The following CLIC6 variants were observed in gnomAD, a reference collection of about 807,000 sequenced individuals.
The protein encoded by CLIC6 is CLIC family member 6.
In CLIC6, 39 loss-of-function variants were observed where a neutral mutation model predicts 49.2. That is an observed-to-expected ratio of 0.79 (90% CI 0.61 to 1.04). The LOEUF is 1.04. CLIC6 is among the 50% of genes least tolerant of loss of function. The pLI is 0.00. For synonymous variants in CLIC6, 446 were observed against 433.4 expected (o/e 1.03, Z -0.36); for missense variants, 988 against 993.1 (o/e 0.99, Z 0.07).
intron 5 of CLIC6, among the ~76,000 whole-genome samples, chr21:34,709,895 T>C (rs1028418717): frequency 1.3e-5 from 2 of 152,190 alleles, no homozygotes; most frequent in Admixed American, 6.5e-5. Context: ...GCTATTCAAA[T>C]GTGAACGCAG....
In CLIC6 at chr21:34,688,951, T is replaced by C. The variant is rs528953980; in HGVS notation, c.1374+18189T>C. ...AAATTGTGAAATAGGTTTGGCGTGG[T>C]GGTGTGAGCCACTTGTCCAGCCAGG... is the stretch of plus-strand genomic sequence containing the variant. On this transcript the variant is annotated intron_variant, in intron 1 of 5. Transcript: ENST00000349499. Among the ~76,000 whole-genome samples the C allele has an allele frequency of 3.9e-5, 6 of 152,316 alleles. No individual in the cohort carries two copies. In the South Asian group the frequency reaches 6.2e-4, roughly 16 times the overall value.
At chr21:34,685,710 G>A (rs1989864154) in intron 1 of CLIC6, among the ~76,000 whole-genome samples, 1 of 152,156 alleles carries the variant, frequency 6.6e-6, no homozygotes, top group Non-Finnish European at 1.5e-5. Context: ...CATCAGACAT[G>A]GAGGGGGACA....
At chr21:34,706,019 G>T in intron 1 of CLIC6, 1 of 676,714 alleles carries the variant, frequency 1.5e-6, no homozygotes, top group Middle Eastern at 2.5e-4. Flanking sequence ...CTTTTCTTTT[G>T]TATTTAGGTA....
intron 1 of CLIC6, among the ~76,000 whole-genome samples, chr21:34,702,351 C>T (rs35169899): frequency 0.17 from 25,241 of 152,086 alleles, 2,167 homozygotes; most frequent in Non-Finnish European, 0.19. Context: ...ATCAGGCCTC[C>T]ATGCAGAGGC....
At chr21:34,713,046 C>G (rs2056066978) in intron 5 of CLIC6, among the ~76,000 whole-genome samples, 1 of 151,966 alleles carries the variant, frequency 6.6e-6, no homozygotes, top group African/African-American at 2.4e-5. Flanking sequence ...TGCTTTTAAG[C>G]AAATGATAGG....
At chr21:34,700,243 A>G (rs13048790) in intron 1 of CLIC6, among the ~76,000 whole-genome samples, 2 of 149,334 alleles carry the variant, frequency 1.3e-5, no homozygotes, top group Admixed American at 6.6e-5. Context: ...GTCAGGAGAT[A>G]GAGACCATCC....
At chr21:34,709,782 A>G (rs1364916922) in intron 5 of CLIC6, among the ~76,000 whole-genome samples, 1 of 152,196 alleles carries the variant, frequency 6.6e-6, no homozygotes, top group Non-Finnish European at 1.5e-5. Context: ...AGCCTTACTC[A>G]CACAGCCTAA....
intron 1 of CLIC6, among the ~76,000 whole-genome samples, chr21:34,685,345 TGTCCAAGAC>T (rs1462509341): frequency 2.6e-5 from 4 of 152,250 alleles, no homozygotes; most frequent in Admixed American, 6.5e-5. Flanking sequence ...CCATATGGCC[TGTCCAAGAC>T]GTCGGCACAT....
chr21:34,670,475 C>T lies in CLIC6; in HGVS notation c.1087C>T (p.Pro363Ser). 1 of 1,492,114 alleles carries T rather than the reference C, an allele frequency of 6.7e-7. No individual in the cohort carries two copies. Among genetic ancestry groups the T allele is most frequent in the South Asian group, 1.3e-5 (1 of 75,416 alleles). 92.4% of individuals were successfully genotyped at this position (1,492,114 alleles called of 1,614,324 possible). Residue 363 changes from proline to serine, a missense_variant, in exon 1 of 6, where the codon CCA (proline) becomes TCA (serine). Physicochemically the swap from Pro to Ser is moderately conservative, Grantham distance 74. Around this residue, in one of 3 missense-constraint regions of CLIC6, gnomAD observed 647 missense variants for 596.9 expected, o/e 1.08. Coordinates refer to ENST00000349499, the MANE Select transcript of CLIC6 (RefSeq NM_053277.3). ...DAGEDRVGDG[P>S]QQEPGEDEER... ...TGGCGAGGACAGGGTAGGGGATGGG[C>T]CACAGCAGGAGCCGGGGGAGGACGA...
rs896859339 is a variant in CLIC6 at position 34,670,654 on chromosome 21, C to A, written c.1266C>A (p.Pro422=). ...QLSNHLAEEG[P]AEGSGEAARV... ...GCAACCACCTGGCCGAGGAGGGCCCCGCCGAGGGTAGCGGCGAGGCCGCGC... is the reference window on the plus strand; with the variant it reads ...GCAACCACCTGGCCGAGGAGGGCCCAGCCGAGGGTAGCGGCGAGGCCGCGC... The change falls in exon 1 of 6, where the codon CCC becomes CCA. Residue 422 remains proline, a synonymous_variant. Transcript: ENST00000349499. 6 of 1,563,230 alleles carry A rather than the reference C, an allele frequency of 3.8e-6. No individual in the cohort carries two copies. Among genetic ancestry groups the A allele is most frequent in the Middle Eastern group, 1.7e-4 (1 of 5,882 alleles).
rs777646304 is a variant in CLIC6 at position 34,670,398 on chromosome 21, C to T, written c.1010C>T (p.Pro337Leu). 5.5e-6 allele frequency: 8 copies of T among 1,456,980 alleles called. No homozygotes were observed. Among genetic ancestry groups the T allele is most frequent in the Non-Finnish European group, 7.2e-6 (8 of 1,105,752 alleles). 90.3% of individuals were successfully genotyped at this position (1,456,980 alleles called of 1,614,324 possible). Reference sequence around the variant, plus strand: ...GACGCAGCGGAGGAGGCGGAGGTCCCGGGGGTAAAGGGGTCCGAAGAAGCG... The same window carrying T: ...GACGCAGCGGAGGAGGCGGAGGTCCTGGGGGTAAAGGGGTCCGAAGAAGCG... ...AWDAAEEAEV[P>L]GVKGSEEAAP... The change falls in exon 1 of 6, where the codon CCG becomes CTG. Residue 337 changes from proline to leucine, a missense_variant. By Grantham distance (98) the Pro-to-Leu change is moderately conservative (BLOSUM62 -3). Coordinates refer to ENST00000349499, the MANE Select transcript of CLIC6 (RefSeq NM_053277.3).
intron 1 of CLIC6, among the ~76,000 whole-genome samples, chr21:34,679,644 G>A (rs902970900): frequency 1.3e-5 from 2 of 152,236 alleles, no homozygotes; most frequent in African/African-American, 4.8e-5. Flanking sequence ...TCCCAGATAC[G>A]ATGGGGGTAC....
chr21:34,703,048 G>GATC (rs10636059), intron 1 of CLIC6, among the ~76,000 whole-genome samples: 62,212 of 151,482 alleles, frequency 0.41, 14,405 homozygotes, highest in African/African-American at 0.64. Flanking sequence ...TCCTGCGATG[G>GATC]CAAATCAGCT....
intron 1 of CLIC6, among the ~76,000 whole-genome samples, chr21:34,696,599 G>A (rs1393359913): frequency 6.6e-6 from 1 of 152,220 alleles, no homozygotes; most frequent in East Asian, 1.9e-4. Context: ...AATGGAGACA[G>A]TAGTAGTACC....
At chr21:34,680,201 C>A (rs543116916) in intron 1 of CLIC6, among the ~76,000 whole-genome samples, 1 of 152,384 alleles carries the variant, frequency 6.6e-6, no homozygotes, top group African/African-American at 2.4e-5. Flanking sequence ...TGTGCACCAG[C>A]AGGCCCAACA....
chr21:34,685,488 C>T (rs751328045), intron 1 of CLIC6, among the ~76,000 whole-genome samples: 1 of 152,126 alleles, frequency 6.6e-6, no homozygotes, highest in Non-Finnish European at 1.5e-5. Context: ...GGTGTGAGAG[C>T]CTTGGAGGTG....
Position 34,708,039 on chromosome 21 carries a change from A to C in CLIC6, c.1580A>C (p.Glu527Ala). Residue 527 changes from glutamate (E) to alanine (A), a missense_variant, in exon 3 of 6, where the codon GAG becomes GCG. Glu to Ala is a moderately radical substitution (Grantham distance 107, BLOSUM62 -1). Around this residue, in one of 3 missense-constraint regions of CLIC6, gnomAD observed 647 missense variants for 596.9 expected, o/e 1.08. Coordinates refer to ENST00000349499, the MANE Select transcript of CLIC6 (RefSeq NM_053277.3). The part of the protein sequence containing the change: ...EVKTDVNKIE[E>A]FLEEKLAPPR... ...AAGACGGATGTGAATAAGATCGAGG[A>C]GTTCTTAGAGGAGAAATTAGCTCCC... The C allele has an allele frequency of 6.2e-7, 1 of 1,614,096 alleles. No homozygotes were observed. Among genetic ancestry groups the C allele is most frequent in the East Asian group, 2.2e-5 (1 of 44,888 alleles).
In CLIC6 at chr21:34,713,701, A is replaced by C. The variant is rs144341577; in HGVS notation, c.1900-2620A>C. ...AAAAAAAATAAAAGAAAACGAGAGAATGTTCAATGGGGAAATTACTTTGAA... is the reference window on the plus strand; with the variant it reads ...AAAAAAAATAAAAGAAAACGAGAGACTGTTCAATGGGGAAATTACTTTGAA... On this transcript the variant is annotated intron_variant, in intron 5 of 5. Coordinates refer to ENST00000349499, the MANE Select transcript of CLIC6 (RefSeq NM_053277.3). 2.8e-3 allele frequency among the ~76,000 whole-genome samples: 422 copies of C among 152,304 alleles called. 3 individuals are homozygous for C. The highest frequency in any genetic ancestry group is 9.6e-3 in the African/African-American group (399 of 41,552).
intron 1 of CLIC6, among the ~76,000 whole-genome samples, chr21:34,694,135 A>ATTTTTTTTTTTTTT (rs57210806): frequency 5.9e-4 from 76 of 128,416 alleles, no homozygotes; most frequent in African/African-American, 2.2e-3. Context: ...CGCCTGGTTA[A>ATTTTTTTTTTTTTT]TTTTTTTTTT....
Sources: gnomAD v4.1 joint callset for allele counts (sites outside exome capture counted in the v4.1 genomes callset) on GRCh38, gnomAD v4.1.1 for gene constraint, gnomAD v4.1.1 regional missense constraint, MANE v1.5 for transcripts, NCBI Gene and HGNC (gene_info 2026-07-23, HGNC 2026-07-21) for gene names.